CDH6: variants seen among roughly 807,000 people sequenced by gnomAD.
CDH6 encodes cadherin 6, also known as cadherin-6.
In CDH6, 31 loss-of-function variants were observed where a neutral mutation model predicts 78.0. The observed-to-expected ratio is 0.40, with a 90% confidence interval of 0.30 to 0.54. CDH6 has a LOEUF of 0.54. Among genes scored for constraint, CDH6 ranks in the 20% least tolerant of loss-of-function variants. The pLI, the probability that CDH6 is intolerant of heterozygous loss-of-function variation, is 0.56. For missense variants in CDH6, 724 were observed against 975.9 expected (o/e 0.74, Z 3.44); for synonymous variants, 376 against 368.8 (o/e 1.02, Z -0.23).
At chr5:31,195,237 A>C (rs1740129620) in intron 1 of CDH6, among the ~76,000 whole-genome samples, 1 of 152,204 alleles carries the variant, frequency 6.6e-6, no homozygotes, top group Non-Finnish European at 1.5e-5. Context: ...GCTGTTGTGT[A>C]CATATATGGC....
chr5:31,207,862 T>C (rs916275447), intron 1 of CDH6, among the ~76,000 whole-genome samples: 1 of 152,176 alleles, frequency 6.6e-6, no homozygotes, highest in Non-Finnish European at 1.5e-5. Context: ...TTCAAAGGGT[T>C]ACACCCAACA....
intron 1 of CDH6, among the ~76,000 whole-genome samples, chr5:31,213,997 G>A (rs1740791904): frequency 6.6e-6 from 1 of 152,072 alleles, no homozygotes; most frequent in Non-Finnish European, 1.5e-5. Flanking sequence ...TGAGTCCGAG[G>A]CTTCTACTTT....
chr5:31,202,270 G>T (rs1438181869), intron 1 of CDH6, among the ~76,000 whole-genome samples: 3 of 152,094 alleles, frequency 2.0e-5, no homozygotes, highest in African/African-American at 7.2e-5. Flanking sequence ...ATTTTTAACT[G>T]CAAAGCTTAA....
chr5:31,299,270 A>G (rs1351694027), intron 4 of CDH6, among the ~76,000 whole-genome samples, 194 bp from the exon 5 acceptor site: 1 of 152,004 alleles, frequency 6.6e-6, no homozygotes, highest in African/African-American at 2.4e-5. Context: ...GGCTTTTTTT[A>G]ATGTATCTAT....
chr5:31,251,200 TG>T (rs1741898966), intron 1 of CDH6: 1 of 152,254 alleles, frequency 6.6e-6, no homozygotes, highest in Non-Finnish European at 1.5e-5. Flanking sequence ...CTCAGTCTTG[TG>T]GGAGGCGCTT....
intron 1 of CDH6, among the ~76,000 whole-genome samples, chr5:31,234,051 ATT>A (rs33910848): frequency 4.6e-5 from 7 of 152,186 alleles, no homozygotes; most frequent in Non-Finnish European, 8.8e-5. Context: ...TCTCAAATAC[ATT>A]TTTTTCATAA....
chr5:31,310,671 T>G (rs1049830384), intron 7 of CDH6, among the ~76,000 whole-genome samples: 6 of 152,144 alleles, frequency 3.9e-5, no homozygotes, highest in Non-Finnish European at 8.8e-5. Context: ...TAGGTGGGGG[T>G]TCCCAAACCT....
chr5:31,228,107 C>G (rs956929452), intron 1 of CDH6, among the ~76,000 whole-genome samples: 2 of 152,104 alleles, frequency 1.3e-5, no homozygotes, highest in African/African-American at 4.8e-5. Flanking sequence ...ATTTTCAAAG[C>G]CAACAGTGTA....
At chr5:31,218,664 C>G (rs929747336) in intron 1 of CDH6, among the ~76,000 whole-genome samples, 4 of 152,148 alleles carry the variant, frequency 2.6e-5, no homozygotes, top group Admixed American at 1.3e-4. Flanking sequence ...CCTCTCTCCA[C>G]TTGCAGAACC....
Position 31,301,428 on chromosome 5 carries a change from C to A in CDH6, c.812-683C>A, listed in dbSNP as rs16900840. Among the ~76,000 whole-genome samples the A allele has an allele frequency of 6.8e-4, 104 of 152,112 alleles. 2 individuals carry two copies. The East Asian group carries it at 0.016, about 23-fold the overall frequency. On this transcript the variant is annotated intron_variant, in intron 5 of 11. Coordinates refer to ENST00000265071, the MANE Select transcript of CDH6 (RefSeq NM_004932.4). ...TAGTCTCTCTAAACTAAGTTTGCAA[C>A]AGGAGCATATTTTTTTTAAAAAGTG...
intron 1 of CDH6, among the ~76,000 whole-genome samples, chr5:31,264,892 A>G (rs1351741459): frequency 6.6e-6 from 1 of 152,210 alleles, no homozygotes; most frequent in Non-Finnish European, 1.5e-5. Flanking sequence ...AAAAAGAACT[A>G]ATATTTAATA....
At chr5:31,203,069 A>G (rs1487797656) in intron 1 of CDH6, among the ~76,000 whole-genome samples, 1 of 152,014 alleles carries the variant, frequency 6.6e-6, no homozygotes, top group Non-Finnish European at 1.5e-5. Flanking sequence ...TTCTTGTATT[A>G]AGCTACTTGT....
In CDH6 at chr5:31,323,356, G is replaced by A; in HGVS notation, c.*48G>A. On this transcript the variant is annotated 3_prime_UTR_variant, in exon 12 of 12. Transcript: ENST00000265071. ...AATACGACACTGAAATATGTGAAGT[G>A]GCTATTTCTTTATATTTATCCACTA... 1.9e-6 allele frequency: 3 copies of A among 1,564,970 alleles called. No individual in the cohort carries two copies. Among genetic ancestry groups the A allele is most frequent in the Non-Finnish European group, 2.6e-6 (3 of 1,153,304 alleles).
chr5:31,323,510 T>C lies in CDH6; in HGVS notation c.*202T>C, dbSNP rs2149962615. ...CAAGGGGCAAATTTTTATTTTTTAGTGCATCCAGTTAACCAAGTCAGCCCA... is the reference window on the plus strand; with the variant it reads ...CAAGGGGCAAATTTTTATTTTTTAGCGCATCCAGTTAACCAAGTCAGCCCA... On this transcript the variant is annotated 3_prime_UTR_variant, in exon 12 of 12. Transcript: ENST00000265071. 1 of 560,130 alleles carries C rather than the reference T, an allele frequency of 1.8e-6. No individual in the cohort carries two copies. The highest frequency in any genetic ancestry group is 3.0e-5 in the East Asian group (1 of 33,340). The allele number at this position is 560,130 out of a possible 1,614,324, so 34.7% of individuals were successfully genotyped here.
intron 2 of CDH6, among the ~76,000 whole-genome samples, chr5:31,286,334 G>A (rs1423086912): frequency 6.6e-6 from 1 of 152,146 alleles, no homozygotes. Context: ...TTGCATATAG[G>A]AGGAGACTGT....
intron 1 of CDH6, among the ~76,000 whole-genome samples, chr5:31,241,277 C>G (rs1039444578): frequency 2.6e-5 from 4 of 151,918 alleles, no homozygotes; most frequent in Non-Finnish European, 5.9e-5. Flanking sequence ...ACAGAGCTGC[C>G]TGACTGTACA....
At chr5:31,250,261 C>T (rs1010055088) in intron 1 of CDH6, 1 of 152,312 alleles carries the variant, frequency 6.6e-6, no homozygotes, top group African/African-American at 2.4e-5. Flanking sequence ...TGTGACAAGG[C>T]AAGGCAACTT....
At chr5:31,299,729 T>C in intron 5 of CDH6, 98 bp downstream of exon 5, 2 of 1,044,748 alleles carry the variant, frequency 1.9e-6, no homozygotes, top group South Asian at 2.9e-5. Flanking sequence ...TTGTCAAAGT[T>C]AGTGGACTTA....
At chr5:31,247,141 T>A (rs1430567650) in intron 1 of CDH6, among the ~76,000 whole-genome samples, 7 of 152,208 alleles carry the variant, frequency 4.6e-5, no homozygotes. Flanking sequence ...AGTTTGAGAA[T>A]GGGCTGGCTA....
Sources: allele counts gnomAD v4.1 joint callset (sites outside exome capture counted in the v4.1 genomes callset), GRCh38; gene constraint gnomAD v4.1.1; transcripts MANE v1.5; gene names NCBI Gene and HGNC (gene_info 2026-07-23, HGNC 2026-07-21).